MDGA2: variants seen among roughly 807,000 people sequenced by gnomAD.
MDGA2 encodes MAM domain-containing glycosylphosphatidylinositol anchor protein 2.
Under a neutral mutation model 117.8 loss-of-function variants are expected in MDGA2, and 40 were observed. That is an observed-to-expected ratio of 0.34 (90% CI 0.26 to 0.44). The LOEUF is 0.44. MDGA2 is among the 20% of genes least tolerant of loss of function. MDGA2 has a pLI of 1.00. For missense variants in MDGA2, 1,123 were observed against 1,250.6 expected, an observed-to-expected ratio of 0.90 and a Z score of 1.54; for synonymous variants, 452 against 439.0, an observed-to-expected ratio of 1.03 and a Z score of -0.37.
intron 6 of MDGA2, among the ~76,000 whole-genome samples, chr14:47,095,915 T>C (rs1047712144): frequency 1.3e-4 from 20 of 152,058 alleles, no homozygotes; most frequent in Non-Finnish European, 2.9e-5. Flanking sequence ...CTTCAGCATA[T>C]GGATGTCCCT....
intron 1 of MDGA2, among the ~76,000 whole-genome samples, chr14:47,652,849 T>G (rs960600349): frequency 2.0e-5 from 3 of 152,004 alleles, no homozygotes; most frequent in Non-Finnish European, 4.4e-5. Context: ...TTCAAAAAAG[T>G]AAAAATGAAT....
chr14:47,590,949 T>G (rs1896425605), intron 1 of MDGA2, among the ~76,000 whole-genome samples: 1 of 152,050 alleles, frequency 6.6e-6, no homozygotes, highest in Admixed American at 6.6e-5. Context: ...TAACATTTTC[T>G]AAATTTGATG....
At chr14:47,323,171 T>G (rs1261181002) in intron 1 of MDGA2, among the ~76,000 whole-genome samples, 2 of 53,866 alleles carry the variant, frequency 3.7e-5, no homozygotes, top group East Asian at 5.4e-4. Context: ...TATATATATA[T>G]ATATATATAT....
At chr14:47,594,673 A>G (rs1896503090) in intron 1 of MDGA2, among the ~76,000 whole-genome samples, 1 of 152,344 alleles carries the variant, frequency 6.6e-6, no homozygotes, top group African/African-American at 2.4e-5. Context: ...TTTAACCATG[A>G]TTCTTCACCA....
At chr14:47,079,019 C>T (rs542355396) in intron 6 of MDGA2, among the ~76,000 whole-genome samples, 1 of 146,968 alleles carries the variant, frequency 6.8e-6, no homozygotes, top group Non-Finnish European at 1.5e-5. Flanking sequence ...TTAGATTCCA[C>T]ATGTAAGTGA....
At chr14:47,499,178 T>C (rs578127850) in intron 1 of MDGA2, among the ~76,000 whole-genome samples, 2 of 152,156 alleles carry the variant, frequency 1.3e-5, no homozygotes, top group Non-Finnish European at 2.9e-5. Context: ...CATAATATAA[T>C]ATAATGGAAC....
chr14:47,190,369 G>A (rs1036637804), intron 3 of MDGA2, among the ~76,000 whole-genome samples: 1 of 152,154 alleles, frequency 6.6e-6, no homozygotes, highest in Non-Finnish European at 1.5e-5. Context: ...CCTTTGGGCT[G>A]AAATATTAGA....
chr14:47,200,511 CTTTTCTT>C (rs1885455284), intron 3 of MDGA2: 3 of 589,660 alleles, frequency 5.1e-6, no homozygotes, highest in Admixed American at 3.7e-5. Context: ...TTCTATTTTT[CTTTTCTT>C]TTTTCTTTTT....
intron 1 of MDGA2, among the ~76,000 whole-genome samples, chr14:47,433,620 T>A (rs1892841261): frequency 6.6e-6 from 1 of 152,068 alleles, no homozygotes; most frequent in Non-Finnish European, 1.5e-5. Context: ...AAATTAGAAA[T>A]TCTGGATTCA....
rs779905304 is a variant in MDGA2, at chr14:47,354,159, AG to A, written c.281-52610del. On this transcript the variant is annotated intron_variant, in intron 1 of 16. Transcript: ENST00000399232. ...AGGTATAGAAGGAAAATTTCCTCAC[AG>A]GCCATTTATGAAAAGCCCGCAGCTA... Among the ~76,000 whole-genome samples, 3 of 152,340 alleles carry A rather than the reference AG, an allele frequency of 2.0e-5. No individual in the cohort carries two copies. The South Asian group carries it at 6.2e-4, about 32-fold the overall frequency.
At chr14:47,665,291 C>T (rs1333860984) in intron 1 of MDGA2, among the ~76,000 whole-genome samples, 1 of 152,154 alleles carries the variant, frequency 6.6e-6, no homozygotes, top group Admixed American at 6.5e-5. Context: ...TTCTCATAGC[C>T]TTATTTTATT....
intron 7 of MDGA2, 89 bp downstream of exon 7, chr14:47,061,160 A>T: frequency 7.9e-7 from 1 of 1,271,706 alleles, no homozygotes; most frequent in Non-Finnish European, 1.1e-6. Context: ...AAAGGGAAAA[A>T]ATATTTTTAA....
At chr14:47,382,633 G>A (rs1249195991) in intron 1 of MDGA2, among the ~76,000 whole-genome samples, 1 of 152,170 alleles carries the variant, frequency 6.6e-6, no homozygotes, top group Non-Finnish European at 1.5e-5. Context: ...TCAGAGAAAT[G>A]CAAATCAAAA....
intron 1 of MDGA2, among the ~76,000 whole-genome samples, chr14:47,411,921 T>A (rs1892381280): frequency 6.6e-6 from 1 of 152,174 alleles, no homozygotes; most frequent in South Asian, 2.1e-4. Flanking sequence ...ATATTAACAA[T>A]TCACAAAGAC....
chr14:46,921,142 T>C lies in MDGA2; in HGVS notation c.2090-982A>G, dbSNP rs959250851. Among the ~76,000 whole-genome samples the C allele has an allele frequency of 2.6e-5, 4 of 152,268 alleles. No homozygotes were observed. The South Asian group carries it at 8.3e-4, about 32-fold the overall frequency. ...ATGAGAACCTATTCAATGCAAAATA[T>C]TGTCCTACGTATTAAGAACACAATG... On this transcript the variant is annotated intron_variant, in intron 9 of 16. Coordinates refer to ENST00000399232, the MANE Select transcript of MDGA2 (RefSeq NM_001113498.3).
chr14:47,334,420 A>G (rs756955454), intron 1 of MDGA2, among the ~76,000 whole-genome samples: 5 of 151,810 alleles, frequency 3.3e-5, no homozygotes, highest in Non-Finnish European at 7.4e-5. Context: ...TTCATACTTT[A>G]TTTACTACTT....
chr14:47,213,802 C>T (rs1034261146), intron 3 of MDGA2, among the ~76,000 whole-genome samples: 2 of 152,032 alleles, frequency 1.3e-5, no homozygotes, highest in Non-Finnish European at 1.5e-5. Context: ...CTATAACTGC[C>T]CAAGACTGGG....
intron 1 of MDGA2, among the ~76,000 whole-genome samples, chr14:47,564,076 T>A (rs1204966292): frequency 6.6e-6 from 1 of 152,208 alleles, no homozygotes; most frequent in African/African-American, 2.4e-5. Context: ...ATGATGAATA[T>A]AGGCCCTCAT....
intron 3 of MDGA2, among the ~76,000 whole-genome samples, chr14:47,211,572 G>T (rs771990384): frequency 2.1e-4 from 32 of 152,178 alleles, no homozygotes; most frequent in Non-Finnish European, 4.0e-4. Flanking sequence ...ATTAATCTTT[G>T]CCCCTGAGGT....
Sources: gnomAD v4.1 joint callset for allele counts (sites outside exome capture counted in the v4.1 genomes callset) on GRCh38, gnomAD v4.1.1 for gene constraint, MANE v1.5 for transcripts, NCBI Gene and HGNC (gene_info 2026-07-23, HGNC 2026-07-21) for gene names.